Variants in KHDRBS2 observed in about 807,000 individuals in gnomAD.
KHDRBS2 encodes the protein KH domain-containing, RNA-binding, signal transduction-associated protein 2.
KHDRBS2 carries 26 observed loss-of-function variants against 44.3 expected under a neutral mutation model. That is an observed-to-expected ratio of 0.59 (90% confidence interval 0.43 to 0.81). The LOEUF is 0.81. Among genes scored for constraint, KHDRBS2 ranks in the 40% least tolerant of loss-of-function variants. The probability of loss-of-function intolerance (pLI) is 0.00; values close to 1 mark genes in which losing one functional copy is unlikely to be tolerated. For synonymous variants in KHDRBS2, 194 were observed against 151.1 expected, an observed-to-expected ratio of 1.28 and a Z score of -2.08; for missense variants, 476 against 433.1, an observed-to-expected ratio of 1.10 and a Z score of -0.88.
rs555528807 is a variant in KHDRBS2 at position 61,831,700 on chromosome 6, T to C, written c.810+62935A>G. On this transcript the variant is annotated intron_variant, in intron 6 of 8. Coordinates refer to ENST00000281156, the MANE Select transcript of KHDRBS2 (RefSeq NM_152688.4). ...ATAGATTTATCTAAAATTTCTCAAATATCTTCTTAAATATCACGGTGAAAA... is the reference window on the plus strand; with the variant it reads ...ATAGATTTATCTAAAATTTCTCAAACATCTTCTTAAATATCACGGTGAAAA... Among the ~76,000 whole-genome samples the C allele has an allele frequency of 5.7e-4, 87 of 152,280 alleles. 1 individual carries two copies. The highest frequency in any genetic ancestry group is 2.0e-3 in the Admixed American group (31 of 15,302).
chr6:61,625,527 C>G, the KHDRBS2 span, among the ~76,000 whole-genome samples: 1 of 151,894 alleles, frequency 6.6e-6, no homozygotes, highest in Non-Finnish European at 1.5e-5. Flanking sequence ...CCTGGGCTGT[C>G]CCTAGCCCAG....
At chr6:61,935,455 C>A (rs1810853848) in intron 4 of KHDRBS2, among the ~76,000 whole-genome samples, 1 of 152,136 alleles carries the variant, frequency 6.6e-6, no homozygotes, top group African/African-American at 2.4e-5. Flanking sequence ...CCACGTTATT[C>A]TTCAGGGATC....
chr6:61,890,785 T>A (rs1354010458), intron 6 of KHDRBS2, among the ~76,000 whole-genome samples: 1 of 132,234 alleles, frequency 7.6e-6, no homozygotes, highest in Non-Finnish European at 1.8e-5. Flanking sequence ...AGTCCCTGAG[T>A]TTTTTTTGAA....
At chr6:61,694,136 T>C (rs1483901380) in intron 8 of KHDRBS2, among the ~76,000 whole-genome samples, 1 of 152,074 alleles carries the variant, frequency 6.6e-6, no homozygotes, top group African/African-American at 2.4e-5. Context: ...CAAGTAAAAG[T>C]TTGATTTTTC....
At chr6:61,572,748 G>A in the KHDRBS2 span, among the ~76,000 whole-genome samples, 1 of 152,100 alleles carries the variant, frequency 6.6e-6, no homozygotes, top group Non-Finnish European at 1.5e-5. Context: ...TACAGAAAAA[G>A]CATTTGATAA....
chr6:62,009,500 G>A (rs1474407374), intron 3 of KHDRBS2, among the ~76,000 whole-genome samples: 4 of 152,184 alleles, frequency 2.6e-5, no homozygotes, highest in Non-Finnish European at 5.9e-5. Context: ...CATAAGTAAT[G>A]AGGAGCCGAA....
the KHDRBS2 span, among the ~76,000 whole-genome samples, chr6:61,619,802 G>A: frequency 3.3e-5 from 5 of 151,952 alleles, no homozygotes; most frequent in Admixed American, 2.0e-4. Flanking sequence ...TATATACCAC[G>A]CTTTCTTCAT....
the KHDRBS2 span, among the ~76,000 whole-genome samples, chr6:61,578,430 G>A: frequency 1.2e-4 from 18 of 152,206 alleles, no homozygotes; most frequent in East Asian, 1.9e-4. Flanking sequence ...GTAAAATCCC[G>A]GACTTTTATA....
intron 2 of KHDRBS2, among the ~76,000 whole-genome samples, chr6:62,086,223 T>C (rs1584604439): frequency 6.6e-6 from 1 of 152,080 alleles, no homozygotes; most frequent in African/African-American, 2.4e-5. Context: ...ACAGGAATTG[T>C]TTTGAAAAAG....
chr6:62,090,891 A>G (rs896534804), intron 2 of KHDRBS2, among the ~76,000 whole-genome samples: 1 of 152,172 alleles, frequency 6.6e-6, no homozygotes, highest in African/African-American at 2.4e-5. Flanking sequence ...TGCAAGTGTC[A>G]CAGGGAATAT....
intron 1 of KHDRBS2, among the ~76,000 whole-genome samples, chr6:62,181,761 T>C (rs1822358564): frequency 6.6e-6 from 1 of 151,322 alleles, no homozygotes; most frequent in Non-Finnish European, 1.5e-5. Flanking sequence ...CTTTGGGAGG[T>C]GATTATTTCA....
chr6:62,286,055 C>T lies in KHDRBS2; in HGVS notation c.-107G>A. On this transcript the variant is annotated 5_prime_UTR_variant, in exon 1 of 9. Coordinates refer to ENST00000281156, the MANE Select transcript of KHDRBS2 (RefSeq NM_152688.4). Reference sequence around the variant, plus strand: ...GCTCCCGCGCTGCTCCTCCTCCGCGCGGCGAGGGATCTCTGTGCGTCCTCA... The same window carrying T: ...GCTCCCGCGCTGCTCCTCCTCCGCGTGGCGAGGGATCTCTGTGCGTCCTCA... 2 of 715,810 alleles carry T rather than the reference C, an allele frequency of 2.8e-6. No homozygotes were observed. Among genetic ancestry groups the T allele is most frequent in the South Asian group, 1.5e-5 (1 of 66,376 alleles). 44.3% of individuals were successfully genotyped at this position (715,810 alleles called of 1,614,324 possible). A position where few individuals can be genotyped will look rare whatever the true frequency, so the allele number is the denominator to read the frequency against.
At chr6:62,082,036 G>T (rs144483793) in intron 2 of KHDRBS2, among the ~76,000 whole-genome samples, 301 of 152,072 alleles carry the variant, frequency 2.0e-3, no homozygotes, top group Non-Finnish European at 3.4e-3. Flanking sequence ...TCAGAATTTA[G>T]AATGAAGAAA....
intron 6 of KHDRBS2, among the ~76,000 whole-genome samples, chr6:61,798,691 G>A (rs1421315732): frequency 6.6e-6 from 1 of 151,706 alleles, no homozygotes; most frequent in Admixed American, 6.6e-5. Flanking sequence ...TGGGTAAGGA[G>A]GCATTTTAGC....
intron 6 of KHDRBS2, among the ~76,000 whole-genome samples, chr6:61,811,428 C>T (rs1305685962): frequency 6.6e-6 from 1 of 152,024 alleles, no homozygotes; most frequent in Non-Finnish European, 1.5e-5. Context: ...CCATGTGTCT[C>T]TCAGGTAGAA....
intron 6 of KHDRBS2, among the ~76,000 whole-genome samples, chr6:61,835,471 C>T (rs1024930636): frequency 2.6e-5 from 4 of 151,922 alleles, no homozygotes; most frequent in African/African-American, 9.7e-5. Flanking sequence ...CCATCAGCTA[C>T]AGCCATTTCA....
chr6:61,682,669 A>T (rs573778002), intron 8 of KHDRBS2, among the ~76,000 whole-genome samples: 1 of 151,926 alleles, frequency 6.6e-6, no homozygotes, highest in African/African-American at 2.4e-5. Context: ...GCTTTTACAG[A>T]AAAAGTTTAC....
the KHDRBS2 span, among the ~76,000 whole-genome samples, chr6:61,629,865 G>A: frequency 1.3e-5 from 2 of 152,290 alleles, no homozygotes; most frequent in South Asian, 4.1e-4. Flanking sequence ...CTTTGTAAGA[G>A]TCCACATTAT....
chr6:62,116,166 A>T (rs1486485797), intron 2 of KHDRBS2, among the ~76,000 whole-genome samples: 1 of 152,128 alleles, frequency 6.6e-6, no homozygotes, highest in Non-Finnish European at 1.5e-5. Context: ...TAACTAATAG[A>T]TCCATTACCC....
Sources: allele counts gnomAD v4.1 joint callset (sites outside exome capture counted in the v4.1 genomes callset), GRCh38; gene constraint gnomAD v4.1.1; transcripts MANE v1.5; gene names NCBI Gene and HGNC (gene_info 2026-07-23, HGNC 2026-07-21).